Variants in MAPRE1 observed in about 807,000 individuals in gnomAD.
MAPRE1 encodes the protein microtubule associated protein RP/EB family member 1.
Under a neutral mutation model 32.1 loss-of-function variants are expected in MAPRE1, and 5 were observed. The observed-to-expected ratio is 0.16, with a 90% confidence interval of 0.08 to 0.33. The LOEUF is 0.33. MAPRE1 is among the 10% of genes least tolerant of loss of function. The probability of loss-of-function intolerance (pLI) is 1.00; values close to 1 mark genes in which losing one functional copy is unlikely to be tolerated. For synonymous variants in MAPRE1, 122 were observed against 118.9 expected, an observed-to-expected ratio of 1.03 and a Z score of -0.17; for missense variants, 209 against 327.2, an observed-to-expected ratio of 0.64 and a Z score of 2.79.
intron 4 of MAPRE1, among the ~76,000 whole-genome samples, chr20:32,838,683 A>G (rs963552173): frequency 3.3e-5 from 5 of 152,200 alleles, no homozygotes; most frequent in Non-Finnish European, 5.9e-5. Flanking sequence ...AGAATGGGAA[A>G]CTACATAGAT....
intron 5 of MAPRE1, among the ~76,000 whole-genome samples, chr20:32,844,438 C>CGTTTTTT (rs1461573971): frequency 2.0e-5 from 1 of 49,670 alleles, no homozygotes; most frequent in East Asian, 1.8e-3. Flanking sequence ...AGCTAGCATT[C>CGTTTTTT]CTTTTTTTTT....
At chr20:32,821,268 C>T (rs911387354) in intron 1 of MAPRE1, among the ~76,000 whole-genome samples, 7 of 152,166 alleles carry the variant, frequency 4.6e-5, no homozygotes, top group African/African-American at 7.2e-5. Context: ...CTGTCCGCCT[C>T]GGCCTCCAAA....
chr20:32,822,613 T>C (rs375240280), intron 1 of MAPRE1, among the ~76,000 whole-genome samples: 2 of 152,226 alleles, frequency 1.3e-5, no homozygotes, highest in African/African-American at 2.4e-5. Flanking sequence ...ATGTACCTTA[T>C]CTAATTTAAA....
chr20:32,839,808 C>T lies in MAPRE1; in HGVS notation c.549C>T (p.Asn183=), dbSNP rs1325963380. 1 of 1,614,054 alleles carries T rather than the reference C, an allele frequency of 6.2e-7. No individual in the cohort carries two copies. The highest frequency in any genetic ancestry group is 1.3e-5 in the African/African-American group (1 of 74,920). Residue 183 remains asparagine, a synonymous_variant, in exon 5 of 7, where the codon AAC becomes AAT. Transcript: ENST00000375571. The stretch of plus-strand genomic sequence containing the variant: ...CTGGCCCTGGTGTGGTGCGAAAGAA[C>T]CCTGGTGTGGGCAACGGAGACGACG... ...PKAGPGVVRK[N]PGVGNGDDEA... is the part of the protein sequence containing the mutation.
intron 1 of MAPRE1, among the ~76,000 whole-genome samples, chr20:32,821,772 C>T (rs1488872667): frequency 6.6e-6 from 1 of 152,140 alleles, no homozygotes; most frequent in Non-Finnish European, 1.5e-5. Flanking sequence ...TGCTTTAGAG[C>T]CAGCGTTGAA....
intron 5 of MAPRE1, among the ~76,000 whole-genome samples, chr20:32,840,530 G>A (rs1195627167): frequency 6.6e-6 from 1 of 152,038 alleles, no homozygotes; most frequent in Non-Finnish European, 1.5e-5. Context: ...TCACTATGGT[G>A]CCAAGGCTGG....
At chr20:32,824,384 G>A (rs1434540392) in intron 1 of MAPRE1, among the ~76,000 whole-genome samples, 1 of 152,258 alleles carries the variant, frequency 6.6e-6, no homozygotes, top group African/African-American at 2.4e-5. Context: ...GAAAAGGGAG[G>A]GAAGAGAATG....
chr20:32,827,837 G>T (rs1323764523), intron 2 of MAPRE1, among the ~76,000 whole-genome samples: 1 of 151,564 alleles, frequency 6.6e-6, no homozygotes, highest in African/African-American at 2.4e-5. Flanking sequence ...GGAGGTTGCA[G>T]TGAGCCGAGA....
intron 4 of MAPRE1, among the ~76,000 whole-genome samples, chr20:32,837,543 T>A (rs1983235253): frequency 6.6e-6 from 1 of 152,224 alleles, no homozygotes; most frequent in Admixed American, 6.5e-5. Context: ...CTACAGATGC[T>A]AATTTCTTCT....
At chr20:32,833,941 T>C (rs1983111179) in intron 3 of MAPRE1, 79 bp downstream of exon 3, 1 of 1,320,108 alleles carries the variant, frequency 7.6e-7, no homozygotes, top group Admixed American at 2.5e-5. Context: ...GCTTATGACT[T>C]TGGACATTTT....
intron 1 of MAPRE1, among the ~76,000 whole-genome samples, chr20:32,821,979 GT>G (rs1435811885): frequency 2.0e-5 from 3 of 152,148 alleles, no homozygotes; most frequent in Non-Finnish European, 2.9e-5. Context: ...CTGGAGCTCT[GT>G]TTTGATTGTC....
chr20:32,838,077 T>A (rs1451987658), intron 4 of MAPRE1, among the ~76,000 whole-genome samples: 1 of 152,170 alleles, frequency 6.6e-6, no homozygotes, highest in Non-Finnish European at 1.5e-5. Flanking sequence ...AGACAGACGC[T>A]GTCTCAAGAA....
chr20:32,821,478 G>T (rs1376107141), intron 1 of MAPRE1, among the ~76,000 whole-genome samples: 1 of 152,244 alleles, frequency 6.6e-6, no homozygotes, highest in African/African-American at 2.4e-5. Flanking sequence ...TACACATCCA[G>T]ATGTGCCCTT....
At chr20:32,830,138 A>G (rs959934269) in intron 2 of MAPRE1, among the ~76,000 whole-genome samples, 4 of 152,154 alleles carry the variant, frequency 2.6e-5, no homozygotes, top group Non-Finnish European at 5.9e-5. Context: ...TTCTCCCTCC[A>G]GCCTGGCTTC....
chr20:32,849,346 A>G lies in MAPRE1; in HGVS notation c.*618A>G, dbSNP rs1983587876. ...TTGCCCTGTAAAGTTATTTGGTGTC[A>G]TTGACCAATTGCATCCCAGCTAAAA... On this transcript the variant is annotated 3_prime_UTR_variant, in exon 7 of 7. Coordinates refer to ENST00000375571, the MANE Select transcript of MAPRE1 (RefSeq NM_012325.3). 6.6e-6 allele frequency: 1 copy of G among 152,228 alleles called. No individual in the cohort carries two copies. Among genetic ancestry groups the G allele is most frequent in the African/African-American group, 2.4e-5 (1 of 41,448 alleles). The allele number at this position is 152,228 out of a possible 1,614,324, so 9.4% of individuals were successfully genotyped here.
In MAPRE1 at chr20:32,848,952, C is replaced by T. The variant is rs185563382; in HGVS notation, c.*224C>T. ...GAGCAGTATTAACACCTAGTTGGTT[C>T]ACCTGGAAAACAGAGAGGCTGACCG... On this transcript the variant is annotated 3_prime_UTR_variant, in exon 7 of 7. Coordinates refer to ENST00000375571, the MANE Select transcript of MAPRE1 (RefSeq NM_012325.3). The T allele has an allele frequency of 2.5e-4, 93 of 375,700 alleles. 1 individual carries two copies. Among genetic ancestry groups the T allele is most frequent in the African/African-American group, 1.9e-3 (90 of 48,268 alleles). 23.3% of individuals were successfully genotyped at this position (375,700 alleles called of 1,614,324 possible). A position where few individuals can be genotyped will look rare whatever the true frequency, so the allele number is the denominator to read the frequency against.
Position 32,833,884 on chromosome 20 carries a change from T to C in MAPRE1, c.267+22T>C, listed in dbSNP as rs755344029. The C allele has an allele frequency of 1.9e-6, 3 of 1,604,258 alleles. No individual in the cohort carries two copies. The South Asian group carries it at 3.3e-5, about 18-fold the overall frequency. ...CAAAGTAAGTAAACGTTATCTTTTA[T>C]TGTGGTTAATGTTCCTTAATGATCG... is the stretch of plus-strand genomic sequence containing the variant. On this transcript the variant is annotated intron_variant, in intron 3 of 6. Coordinates refer to ENST00000375571, the MANE Select transcript of MAPRE1 (RefSeq NM_012325.3).
intron 6 of MAPRE1, among the ~76,000 whole-genome samples, chr20:32,847,404 G>A (rs958566406): frequency 1.3e-5 from 2 of 152,178 alleles, no homozygotes; most frequent in African/African-American, 2.4e-5. Flanking sequence ...TAATGGTGAT[G>A]TTTGTAATTC....
At position 32,839,842 on chromosome 20, in the gene MAPRE1, G is replaced by A; in HGVS notation, c.583G>A (p.Glu195Lys). The A allele has an allele frequency of 6.2e-7, 1 of 1,614,186 alleles. No homozygotes were observed. The highest frequency in any genetic ancestry group is 8.5e-7 in the Non-Finnish European group (1 of 1,180,028). ...GVGNGDDEAA[E>K]LMQQVNVLKL... The stretch of plus-strand genomic sequence containing the variant: ...GGGCAACGGAGACGACGAGGCAGCT[G>A]AGTTGATGCAGCAGGTGGGCACCCC... The change falls in exon 5 of 7, where the codon GAG (glutamate) becomes AAG (lysine). Residue 195 changes from glutamate (E) to lysine (K), a missense_variant. Physicochemically the swap from Glu to Lys is moderately conservative, Grantham distance 56. Coordinates refer to ENST00000375571, the MANE Select transcript of MAPRE1 (RefSeq NM_012325.3).
Sources: gnomAD v4.1 joint callset for allele counts (sites outside exome capture counted in the v4.1 genomes callset) on GRCh38, gnomAD v4.1.1 for gene constraint, MANE v1.5 for transcripts, NCBI Gene and HGNC (gene_info 2026-07-23, HGNC 2026-07-21) for gene names.